MTUS2: variants seen among roughly 807,000 people sequenced by gnomAD.
MTUS2 encodes microtubule associated scaffold protein 2, also known as microtubule-associated tumor suppressor candidate 2.
MTUS2 carries 40 observed loss-of-function variants against 114.1 expected under a neutral mutation model. That is an observed-to-expected ratio of 0.35 (90% confidence interval 0.27 to 0.46). MTUS2 has a LOEUF of 0.46. Among genes scored for constraint, MTUS2 ranks in the 20% least tolerant of loss-of-function variants. The probability of loss-of-function intolerance (pLI) is 1.00; values close to 1 mark genes in which losing one functional copy is unlikely to be tolerated. For synonymous variants in MTUS2, 688 were observed against 672.0 expected (o/e 1.02, Z -0.37); for missense variants, 1,679 against 1,705.4 (o/e 0.98, Z 0.27).
At chr13:28,831,329 A>C (rs1874663634) in intron 1 of MTUS2, among the ~76,000 whole-genome samples, 1 of 152,202 alleles carries the variant, frequency 6.6e-6, no homozygotes, top group African/African-American at 2.4e-5. Context: ...TAATCACTGT[A>C]GTCAAAAGGC....
At chr13:28,820,269 G>A (rs1182274428), upstream of MTUS2, 1 of 147,608 alleles carries the variant, frequency 6.8e-6, no homozygotes, top group Non-Finnish European at 1.5e-5. Flanking sequence ...GGCGGCCTGG[G>A]CGGTGCCTGC....
intron 5 of MTUS2, among the ~76,000 whole-genome samples, chr13:29,263,677 C>T (rs947486041): frequency 7.9e-5 from 12 of 151,984 alleles, no homozygotes; most frequent in Admixed American, 5.9e-4. Flanking sequence ...GAGAGAGAAT[C>T]GAGGGGTAGG....
At chr13:29,324,776 A>T (rs1900412074) in intron 7 of MTUS2, 65 bp downstream of exon 7, 3 of 1,242,250 alleles carry the variant, frequency 2.4e-6, no homozygotes, top group East Asian at 5.1e-5. Context: ...TCTTATTCAG[A>T]TGTCATTAAT....
intron 5 of MTUS2, among the ~76,000 whole-genome samples, chr13:29,212,594 C>A (rs1004029875): frequency 3.9e-5 from 6 of 151,906 alleles, no homozygotes; most frequent in African/African-American, 1.4e-4. Context: ...GAGGTTCTCA[C>A]AATCTTCTCC....
chr13:29,175,097 ATTGT>A (rs2139133674), intron 5 of MTUS2, among the ~76,000 whole-genome samples: 1 of 152,322 alleles, frequency 6.6e-6, no homozygotes, highest in Admixed American at 6.5e-5. Context: ...CTCTTAACAT[ATTGT>A]TTAATTCTGC....
intron 8 of MTUS2, among the ~76,000 whole-genome samples, chr13:29,388,049 G>T (rs1033622370): frequency 2.6e-5 from 4 of 152,060 alleles, no homozygotes; most frequent in African/African-American, 7.2e-5. Flanking sequence ...CACACCTATG[G>T]CTCTGAGGAC....
At chr13:28,869,244 A>G (rs970398978) in intron 2 of MTUS2, among the ~76,000 whole-genome samples, 1 of 152,206 alleles carries the variant, frequency 6.6e-6, no homozygotes, top group Non-Finnish European at 1.5e-5. Context: ...AAAGCTAAGT[A>G]ATTAAAGTTG....
chr13:29,065,092 A>G (rs550090131), intron 4 of MTUS2, among the ~76,000 whole-genome samples: 206 of 152,308 alleles, frequency 1.4e-3, no homozygotes, highest in African/African-American at 4.6e-3. Flanking sequence ...GAACATATGC[A>G]TGCATGTGTC....
chr13:28,920,728 C>T (rs886936259), intron 2 of MTUS2, among the ~76,000 whole-genome samples: 1 of 152,194 alleles, frequency 6.6e-6, no homozygotes, highest in Non-Finnish European at 1.5e-5. Flanking sequence ...ATATTTAGTT[C>T]TGTTCTACTG....
intron 15 of MTUS2, 63 bp downstream of exon 15, chr13:29,501,257 T>C: frequency 7.9e-7 from 1 of 1,266,908 alleles, no homozygotes; most frequent in Non-Finnish European, 1.2e-6. Context: ...TGTTGCAACA[T>C]CCAGTTTCCC....
At chr13:29,050,806 T>C (rs531682825) in intron 4 of MTUS2, among the ~76,000 whole-genome samples, 1 of 152,234 alleles carries the variant, frequency 6.6e-6, no homozygotes, top group African/African-American at 2.4e-5. Flanking sequence ...CCTGTCTAGC[T>C]GTTTGCACAA....
intron 9 of MTUS2, among the ~76,000 whole-genome samples, chr13:29,471,502 G>T (rs1880294083): frequency 6.6e-6 from 1 of 152,150 alleles, no homozygotes; most frequent in African/African-American, 2.4e-5. Flanking sequence ...CTGTTGGCCT[G>T]CCTATCTGAA....
chr13:29,128,585 G>A (rs1009783530), intron 5 of MTUS2, among the ~76,000 whole-genome samples: 11 of 152,162 alleles, frequency 7.2e-5, no homozygotes, highest in Non-Finnish European at 1.2e-4. Flanking sequence ...TAAAGAACTG[G>A]CAATCTTTAC....
chr13:29,503,078 G>A lies in MTUS2; in HGVS notation c.3982G>A (p.Glu1328Lys). ...EKKRLSRTNE[E>K]LLWKLQTGDP... ...GAAGAGATTGAGCCGAACCAATGAA[G>A]AGCTGCTTTGGAAGCTCCAAACTGG... The change falls in exon 16 of 16, where the codon GAG (glutamate) becomes AAG (lysine). Residue 1328 changes from glutamate (E) to lysine (K), a missense_variant. This residue lies in a region of MTUS2 where 822 missense variants were observed against 899.7 expected (regional missense o/e 0.91). Coordinates refer to ENST00000612955, the MANE Select transcript of MTUS2 (RefSeq NM_001033602.4). 6.2e-7 allele frequency: 1 copy of A among 1,614,240 alleles called. No individual in the cohort carries two copies. The highest frequency in any genetic ancestry group is 8.5e-7 in the Non-Finnish European group (1 of 1,180,040).
chr13:29,423,606 G>A (rs1334716145), intron 8 of MTUS2, among the ~76,000 whole-genome samples: 1 of 152,140 alleles, frequency 6.6e-6, no homozygotes, highest in African/African-American at 2.4e-5. Flanking sequence ...ATAAAAACAT[G>A]AGTTTATAAT....
intron 4 of MTUS2, among the ~76,000 whole-genome samples, chr13:29,052,776 T>C (rs919658972): frequency 6.6e-6 from 1 of 152,226 alleles, no homozygotes; most frequent in Admixed American, 6.5e-5. Context: ...ATGATTGATA[T>C]GGTGCTGTAT....
At chr13:29,440,310 C>T (rs887122871) in intron 9 of MTUS2, among the ~76,000 whole-genome samples, 2 of 152,176 alleles carry the variant, frequency 1.3e-5, no homozygotes, top group African/African-American at 4.8e-5. Flanking sequence ...TTGCAGATGG[C>T]AGCTCATACA....
At chr13:29,428,054 T>C (rs1336558861) in intron 8 of MTUS2, among the ~76,000 whole-genome samples, 2 of 152,188 alleles carry the variant, frequency 1.3e-5, no homozygotes, top group Non-Finnish European at 2.9e-5. Context: ...CAAGCCCCAA[T>C]TTTAATTACT....
At chr13:29,433,826 C>T (rs759666888) in intron 8 of MTUS2, among the ~76,000 whole-genome samples, 3 of 152,104 alleles carry the variant, frequency 2.0e-5, no homozygotes, top group Admixed American at 6.5e-5. Context: ...TTCTGAGAAG[C>T]GTAAAAAAAC....
Sources: allele counts gnomAD v4.1 joint callset (sites outside exome capture counted in the v4.1 genomes callset), GRCh38; gene constraint gnomAD v4.1.1; regional missense constraint gnomAD v4.1.1; transcripts MANE v1.5; gene names NCBI Gene and HGNC (gene_info 2026-07-23, HGNC 2026-07-21).